Variants in XPNPEP1 observed in about 807,000 individuals in gnomAD.
XPNPEP1 encodes X-prolyl aminopeptidase 1, also known as xaa-Pro aminopeptidase 1.
In XPNPEP1, 39 loss-of-function variants were observed where a neutral mutation model predicts 92.4. The ratio of observed to expected loss-of-function variants is 0.42; its 90% confidence interval spans 0.33 to 0.55. The LOEUF (loss-of-function observed/expected upper bound fraction) is 0.55. Ranked by LOEUF, XPNPEP1 falls within the 20% of genes least tolerant of loss-of-function variation. The pLI is 0.08. For synonymous variants in XPNPEP1, 307 were observed against 299.4 expected (o/e 1.03, Z -0.26); for missense variants, 654 against 856.1 (o/e 0.76, Z 2.95).
At chr10:109,908,849 A>T (rs1849699727) in intron 2 of XPNPEP1, among the ~76,000 whole-genome samples, 4 of 152,174 alleles carry the variant, frequency 2.6e-5, no homozygotes, top group Admixed American at 2.0e-4. Context: ...CCAGCTACAG[A>T]TTTAGAGAAG....
chr10:109,911,177 G>C (rs775053171), intron 2 of XPNPEP1, among the ~76,000 whole-genome samples: 3 of 152,242 alleles, frequency 2.0e-5, no homozygotes, highest in Non-Finnish European at 2.9e-5. Flanking sequence ...TCTCAGAAGA[G>C]AGAAGTACTC....
intron 3 of XPNPEP1, among the ~76,000 whole-genome samples, chr10:109,904,936 G>A (rs1282904282): frequency 6.6e-6 from 1 of 151,908 alleles, no homozygotes; most frequent in Non-Finnish European, 1.5e-5. Context: ...TGGAAAACAG[G>A]ATCTCAAAAA....
chr10:109,888,439 G>A (rs1848520961), intron 6 of XPNPEP1, 64 bp downstream of exon 6: 2 of 1,479,398 alleles, frequency 1.4e-6, no homozygotes, highest in Non-Finnish European at 1.8e-6. Context: ...AGCAAATGAG[G>A]AGAATGGAGG....
At position 109,889,853 on chromosome 10, in the gene XPNPEP1, C is replaced by A. The variant is rs145707974; in HGVS notation, c.416-1258G>T. ...GCAAAGGTTTATAAAGAAAGAAGCT[C>A]ATGAATTCCAATTCTAAAAAACTGC... On this transcript the variant is annotated intron_variant, in intron 5 of 20. Coordinates refer to ENST00000502935, the MANE Select transcript of XPNPEP1 (RefSeq NM_020383.4). 3.2e-4 allele frequency among the ~76,000 whole-genome samples: 49 copies of A among 152,306 alleles called. 1 individual carries two copies. In the East Asian group the frequency reaches 8.9e-3, roughly 28 times the overall value.
chr10:109,911,617 C>T (rs1350160931), intron 2 of XPNPEP1, among the ~76,000 whole-genome samples: 1 of 152,150 alleles, frequency 6.6e-6, no homozygotes, highest in African/African-American at 2.4e-5. Flanking sequence ...ATTGTGTTTT[C>T]AAACCATATT....
At chr10:109,902,961 T>G (rs1211780183) in intron 3 of XPNPEP1, among the ~76,000 whole-genome samples, 1 of 152,198 alleles carries the variant, frequency 6.6e-6, no homozygotes, top group South Asian at 2.1e-4. Flanking sequence ...TCGGGTGTAA[T>G]AGGCCACACC....
intron 3 of XPNPEP1, among the ~76,000 whole-genome samples, chr10:109,899,247 C>T (rs1849148821): frequency 6.6e-6 from 1 of 152,186 alleles, no homozygotes; most frequent in Non-Finnish European, 1.5e-5. Flanking sequence ...CATTCCCATG[C>T]CTCATTACAT....
intron 1 of XPNPEP1, among the ~76,000 whole-genome samples, chr10:109,921,989 G>A (rs1223284575): frequency 1.3e-5 from 2 of 152,220 alleles, no homozygotes; most frequent in Admixed American, 1.3e-4. Flanking sequence ...AGCGGATACT[G>A]AATAAATCAG....
intron 20 of XPNPEP1, 142 bp from the exon 21 acceptor site, chr10:109,865,454 GGTAA>G (rs1176281141): frequency 1.8e-6 from 2 of 1,118,640 alleles, no homozygotes; most frequent in Non-Finnish European, 2.5e-6. Context: ...CTTACTCACA[GGTAA>G]GTATTTTCCT....
rs956388024 is a variant in XPNPEP1 at position 109,875,776 on chromosome 10, T to C, written c.1320-177A>G. ...TTCAACTAATATTAAACTTCTACTT[T>C]TCAAAGATCCAATCAACCTATCTCC... On this transcript the variant is annotated intron_variant, in intron 14 of 20. Transcript: ENST00000502935. The C allele has an allele frequency of 5.6e-6, 3 of 535,772 alleles. No individual in the cohort carries two copies. In the African/African-American group the frequency reaches 5.7e-5, roughly 10 times the overall value. The allele number at this position is 535,772 out of a possible 1,614,324, so 33.2% of individuals were successfully genotyped here. A position where few individuals can be genotyped will look rare whatever the true frequency, so the allele number is the denominator to read the frequency against.
rs559012443 is a variant in XPNPEP1 at position 109,876,963 on chromosome 10, C to A, written c.1319+827G>T. 2.6e-5 allele frequency: 4 copies of A among 152,408 alleles called. No homozygotes were observed. In the East Asian group the frequency reaches 5.8e-4, roughly 22 times the overall value. 9.4% of individuals were successfully genotyped at this position (152,408 alleles called of 1,614,324 possible). ...CTGTGGGTCCATGGGTTCTTGTAGA[C>A]CACGTGGTAAAAAAACCACATACTG... On this transcript the variant is annotated intron_variant, in intron 14 of 20. Coordinates refer to ENST00000502935, the MANE Select transcript of XPNPEP1 (RefSeq NM_020383.4).
chr10:109,899,737 A>G (rs1008051604), intron 3 of XPNPEP1, among the ~76,000 whole-genome samples: 2 of 152,252 alleles, frequency 1.3e-5, no homozygotes, highest in African/African-American at 2.4e-5. Flanking sequence ...AAAGCCAAAA[A>G]TTCACATTGG....
intron 1 of XPNPEP1, among the ~76,000 whole-genome samples, chr10:109,916,432 T>TG (rs1405466080): frequency 1.3e-5 from 2 of 152,156 alleles, no homozygotes; most frequent in African/African-American, 4.8e-5. Context: ...GGGCCTACTG[T>TG]GGGGCCATAG....
chr10:109,894,936 T>G (rs1848903310), intron 3 of XPNPEP1, among the ~76,000 whole-genome samples: 1 of 152,226 alleles, frequency 6.6e-6, no homozygotes, highest in Non-Finnish European at 1.5e-5. Context: ...TGTGCAAGAC[T>G]TTTTATTAAA....
chr10:109,880,174 G>T lies in XPNPEP1; in HGVS notation c.1182+14C>A. 1 of 1,613,614 alleles carries T rather than the reference G, an allele frequency of 6.2e-7. No homozygotes were observed. Reference sequence around the variant, plus strand: ...AATGTATATCCACATATTAAACAAAGACTAAGAACCAACCTCTTTCTCCAG... The same window carrying T: ...AATGTATATCCACATATTAAACAAATACTAAGAACCAACCTCTTTCTCCAG... On this transcript the variant is annotated intron_variant, in intron 12 of 20. Coordinates refer to ENST00000502935, the MANE Select transcript of XPNPEP1 (RefSeq NM_020383.4).
At chr10:109,897,278 A>T (rs915506425) in intron 3 of XPNPEP1, among the ~76,000 whole-genome samples, 11 of 152,292 alleles carry the variant, frequency 7.2e-5, no homozygotes, top group African/African-American at 2.6e-4. Context: ...AAAAAAAAAA[A>T]AAGCTAGTCA....
chr10:109,895,328 G>A (rs1179676171), intron 3 of XPNPEP1, among the ~76,000 whole-genome samples: 1 of 152,190 alleles, frequency 6.6e-6, no homozygotes, highest in Non-Finnish European at 1.5e-5. Context: ...AGTACTCTAG[G>A]GATGCCCCAC....
At chr10:109,866,421 C>T (rs1051838909) in intron 20 of XPNPEP1, among the ~76,000 whole-genome samples, 3 of 152,220 alleles carry the variant, frequency 2.0e-5, no homozygotes, top group African/African-American at 7.2e-5. Flanking sequence ...ATGTCAAAAG[C>T]AGGCAAACTG....
intron 12 of XPNPEP1, among the ~76,000 whole-genome samples, chr10:109,878,579 A>T (rs921357422): frequency 1.3e-5 from 2 of 152,208 alleles, no homozygotes; most frequent in Non-Finnish European, 2.9e-5. Flanking sequence ...TTCTAAGAGA[A>T]TAAAATAAAA....
Sources: allele counts gnomAD v4.1 joint callset (sites outside exome capture counted in the v4.1 genomes callset), GRCh38; gene constraint gnomAD v4.1.1; transcripts MANE v1.5; gene names NCBI Gene and HGNC (gene_info 2026-07-23, HGNC 2026-07-21).